Variants in OSBP2 observed in about 807,000 individuals in gnomAD.
OSBP2 encodes the protein oxysterol-binding protein 2.
OSBP2 carries 66 observed loss-of-function variants against 96.0 expected under a neutral mutation model. The observed-to-expected ratio is 0.69, with a 90% CI of 0.56 to 0.84. The LOEUF is 0.84. Ranked by LOEUF, OSBP2 falls within the 40% of genes least tolerant of loss-of-function variation. OSBP2 has a pLI of 0.00. For missense variants in OSBP2, 1,038 were observed against 1,222.7 expected (o/e 0.85, Z 2.25); for synonymous variants, 525 against 520.9 (o/e 1.01, Z -0.11).
Position 30,857,250 on chromosome 22 carries a change from T to C in OSBP2, c.854-13179T>C, listed in dbSNP as rs528527974. Among the ~76,000 whole-genome samples the C allele has an allele frequency of 2.0e-5, 3 of 152,304 alleles. No individual in the cohort carries two copies. The East Asian group carries it at 5.8e-4, about 29-fold the overall frequency. ...GGGATGAGGGAGGCAATGATGGGCC[T>C]GGAGGGCTAGTGCTTGTGTTAGCAG... is the stretch of plus-strand genomic sequence containing the variant. On this transcript the variant is annotated intron_variant, in intron 2 of 13. Transcript: ENST00000332585.
intron 3 of OSBP2, among the ~76,000 whole-genome samples, chr22:30,886,345 T>G (rs1329885896): frequency 6.6e-6 from 1 of 152,204 alleles, no homozygotes; most frequent in Non-Finnish European, 1.5e-5. Context: ...CTGGGATCAA[T>G]AGAAAGGAAA....
intron 1 of OSBP2, 139 bp downstream of exon 1, chr22:30,695,692 A>T (rs2089017759): frequency 2.1e-6 from 3 of 1,454,606 alleles, no homozygotes; most frequent in Non-Finnish European, 2.7e-6. Flanking sequence ...AGGCCAAGTC[A>T]CGCTTCTGGC....
chr22:30,823,643 C>A (rs2038334364), intron 2 of OSBP2, among the ~76,000 whole-genome samples: 1 of 152,252 alleles, frequency 6.6e-6, no homozygotes, highest in Non-Finnish European at 1.5e-5. Context: ...TTGCAGGCTG[C>A]AAGCCTCAGC....
At chr22:30,856,350 T>TG (rs1350685094) in intron 2 of OSBP2, among the ~76,000 whole-genome samples, 2 of 149,972 alleles carry the variant, frequency 1.3e-5, no homozygotes. Flanking sequence ...CACTGAGACT[T>TG]GGCAGTTGGA....
intron 8 of OSBP2, among the ~76,000 whole-genome samples, chr22:30,891,402 C>G (rs2039944531): frequency 6.6e-6 from 1 of 152,182 alleles, no homozygotes; most frequent in African/African-American, 2.4e-5. Context: ...CCCCACCACC[C>G]CTTCCCCACA....
At chr22:30,794,952 C>G (rs1447823495) in intron 2 of OSBP2, among the ~76,000 whole-genome samples, 8 of 151,026 alleles carry the variant, frequency 5.3e-5, no homozygotes, top group Non-Finnish European at 4.4e-5. Flanking sequence ...GCTCTGTCAC[C>G]CAGGCTGGAG....
At chr22:30,803,549 C>A (rs2145845072) in intron 2 of OSBP2, among the ~76,000 whole-genome samples, 1 of 152,326 alleles carries the variant, frequency 6.6e-6, no homozygotes, top group African/African-American at 2.4e-5. Context: ...CCCCGAGCAA[C>A]CTAGCCACTG....
intron 8 of OSBP2, among the ~76,000 whole-genome samples, chr22:30,892,582 C>T (rs2039972595): frequency 6.6e-6 from 1 of 152,084 alleles, no homozygotes; most frequent in African/African-American, 2.4e-5. Flanking sequence ...ACAAGGGAGG[C>T]TTGGTGGAAC....
chr22:30,797,561 C>T (rs1187354390), intron 2 of OSBP2, among the ~76,000 whole-genome samples: 3 of 150,562 alleles, frequency 2.0e-5, no homozygotes, highest in African/African-American at 4.9e-5. Context: ...GGATTATAAT[C>T]GTGAGCCACC....
chr22:30,746,485 CTTTTT>C (rs34500140), intron 2 of OSBP2, among the ~76,000 whole-genome samples: 4 of 101,530 alleles, frequency 3.9e-5, no homozygotes, highest in South Asian at 3.3e-4. Context: ...GGATGAAACA[CTTTTT>C]TTTTTTTTTT....
chr22:30,784,737 T>G (rs1393871169), intron 2 of OSBP2, among the ~76,000 whole-genome samples: 1 of 152,176 alleles, frequency 6.6e-6, no homozygotes, highest in Admixed American at 6.5e-5. Flanking sequence ...TACTGTAGCT[T>G]TATAATATAA....
intron 3 of OSBP2, among the ~76,000 whole-genome samples, chr22:30,875,276 T>C (rs149952437): frequency 3.5e-4 from 54 of 152,138 alleles, no homozygotes; most frequent in Non-Finnish European, 5.7e-4. Context: ...TTTCGTGGCA[T>C]TAAATTGTAT....
intron 2 of OSBP2, among the ~76,000 whole-genome samples, chr22:30,814,977 T>C (rs1192074776): frequency 2.6e-5 from 4 of 152,134 alleles, no homozygotes; most frequent in Non-Finnish European, 2.9e-5. Flanking sequence ...GTGACCTGAC[T>C]GGTGTTAAAA....
At chr22:30,878,268 C>T (rs1374392491) in intron 3 of OSBP2, among the ~76,000 whole-genome samples, 1 of 152,262 alleles carries the variant, frequency 6.6e-6, no homozygotes, top group Non-Finnish European at 1.5e-5. Context: ...TTTAGCAAGA[C>T]CCCTCTGCTG....
intron 12 of OSBP2, among the ~76,000 whole-genome samples, chr22:30,898,295 G>A (rs996048241): frequency 2.0e-5 from 3 of 152,020 alleles, no homozygotes; most frequent in African/African-American, 7.3e-5. Context: ...CGAGGCTGCA[G>A]TGAGTTGTGA....
At chr22:30,766,630 C>G (rs1382615480) in intron 2 of OSBP2, among the ~76,000 whole-genome samples, 1 of 152,150 alleles carries the variant, frequency 6.6e-6, no homozygotes, top group Non-Finnish European at 1.5e-5. Flanking sequence ...AGACTCTCTT[C>G]CCTTCAAACT....
intron 2 of OSBP2, among the ~76,000 whole-genome samples, chr22:30,784,029 G>A (rs2090554553): frequency 6.6e-6 from 1 of 152,182 alleles, no homozygotes; most frequent in Non-Finnish European, 1.5e-5. Flanking sequence ...GCATCTTTAC[G>A]ATTGACGTAG....
At chr22:30,873,222 A>C (rs563541837) in intron 3 of OSBP2, among the ~76,000 whole-genome samples, 29 of 152,256 alleles carry the variant, frequency 1.9e-4, no homozygotes, top group African/African-American at 5.8e-4. Flanking sequence ...CTGCAAGAGA[A>C]GTGATGGCCC....
chr22:30,905,725 C>A, intron 12 of OSBP2, 112 bp from the exon 13 acceptor site: 1 of 1,441,488 alleles, frequency 6.9e-7, no homozygotes, highest in South Asian at 1.3e-5. Context: ...ACGCGGGGAG[C>A]TGGAGGGTGA....
Sources: gnomAD v4.1 joint callset for allele counts (sites outside exome capture counted in the v4.1 genomes callset) on GRCh38, gnomAD v4.1.1 for gene constraint, MANE v1.5 for transcripts, NCBI Gene and HGNC (gene_info 2026-07-23, HGNC 2026-07-21) for gene names.